Variants in SPAG16 observed in about 807,000 individuals in gnomAD.
The protein encoded by SPAG16 is sperm-associated antigen 16 protein.
In SPAG16, 86 loss-of-function variants were observed where a neutral mutation model predicts 80.4. The observed-to-expected ratio is 1.07, with a 90% CI of 0.90 to 1.28. The LOEUF is 1.28. Among genes scored for constraint, SPAG16 ranks in the 50% most tolerant of loss-of-function variants. SPAG16 has a pLI of 0.00. For missense variants in SPAG16, 870 were observed against 765.3 expected, an observed-to-expected ratio of 1.14 and a Z score of -1.61; for synonymous variants, 294 against 265.9, an observed-to-expected ratio of 1.11 and a Z score of -1.03.
intron 15 of SPAG16, among the ~76,000 whole-genome samples, chr2:214,375,015 A>G (rs1052537966): frequency 6.6e-6 from 1 of 152,194 alleles, no homozygotes; most frequent in African/African-American, 2.4e-5. Context: ...TAAGATAAGC[A>G]TGGTATTTGT....
chr2:213,718,167 AAAG>A (rs1488820547), intron 10 of SPAG16, among the ~76,000 whole-genome samples: 2 of 151,194 alleles, frequency 1.3e-5, no homozygotes, highest in African/African-American at 4.8e-5. Flanking sequence ...AAAAAAAAAA[AAAG>A]AAAACCACCA....
intron 15 of SPAG16, among the ~76,000 whole-genome samples, chr2:214,351,620 G>A (rs1309863878): frequency 1.3e-5 from 2 of 151,946 alleles, no homozygotes; most frequent in African/African-American, 2.4e-5. Flanking sequence ...GGAGAATGGC[G>A]TGAACCCAGG....
intron 13 of SPAG16, among the ~76,000 whole-genome samples, chr2:214,055,388 T>C (rs35310085): frequency 0.12 from 17,621 of 152,196 alleles, 1,213 homozygotes; most frequent in East Asian, 0.26. Context: ...CTTGGCACTT[T>C]TAAGTATATA....
chr2:214,060,602 G>T (rs2050211512), intron 13 of SPAG16, among the ~76,000 whole-genome samples: 2 of 152,176 alleles, frequency 1.3e-5, no homozygotes, highest in African/African-American at 4.8e-5. Flanking sequence ...CACTCTCTTA[G>T]AAAACAAAAT....
intron 7 of SPAG16, among the ~76,000 whole-genome samples, chr2:213,361,770 G>T (rs972359163): frequency 6.8e-6 from 1 of 146,038 alleles, no homozygotes; most frequent in African/African-American, 2.5e-5. Context: ...ATTTGATTTG[G>T]ATATTCAGAC....
At chr2:213,749,668 A>C (rs750454280) in intron 10 of SPAG16, among the ~76,000 whole-genome samples, 2 of 152,234 alleles carry the variant, frequency 1.3e-5, no homozygotes, top group Non-Finnish European at 2.9e-5. Context: ...GATCTTGGCT[A>C]TTTAGCTATA....
intron 10 of SPAG16, among the ~76,000 whole-genome samples, chr2:213,548,928 C>T (rs181029424): frequency 6.6e-6 from 1 of 151,916 alleles, no homozygotes; most frequent in Non-Finnish European, 1.5e-5. Flanking sequence ...AATATAAATG[C>T]ATTTGTCCTG....
At chr2:214,209,722 G>T (rs1488171374) in intron 15 of SPAG16, among the ~76,000 whole-genome samples, 14 of 152,240 alleles carry the variant, frequency 9.2e-5, no homozygotes, top group Middle Eastern at 3.4e-3. Flanking sequence ...TAGCAATGAT[G>T]TCTTGGCTTT....
chr2:213,962,952 G>A (rs2044527433), intron 12 of SPAG16, among the ~76,000 whole-genome samples: 1 of 151,896 alleles, frequency 6.6e-6, no homozygotes, highest in Non-Finnish European at 1.5e-5. Flanking sequence ...TGTTACTAAA[G>A]ATTTGTCAAT....
chr2:213,891,719 G>T (rs1027265174), intron 11 of SPAG16, among the ~76,000 whole-genome samples: 1 of 152,098 alleles, frequency 6.6e-6, no homozygotes, highest in Non-Finnish European at 1.5e-5. Flanking sequence ...AAGGAAATGA[G>T]AATTCCTGGG....
intron 12 of SPAG16, among the ~76,000 whole-genome samples, chr2:213,992,731 A>G (rs1251652159): frequency 6.6e-6 from 1 of 152,176 alleles, no homozygotes; most frequent in East Asian, 1.9e-4. Flanking sequence ...AAGCCTGATG[A>G]TTGGTTTGTA....
intron 15 of SPAG16, among the ~76,000 whole-genome samples, chr2:214,316,658 A>G (rs1036269436): frequency 1.3e-5 from 2 of 152,020 alleles, no homozygotes; most frequent in African/African-American, 4.8e-5. Flanking sequence ...AAATTCTATA[A>G]CTCTAATCCA....
chr2:214,345,949 C>T (rs1451517688), intron 15 of SPAG16, among the ~76,000 whole-genome samples: 1 of 152,130 alleles, frequency 6.6e-6, no homozygotes, highest in East Asian at 1.9e-4. Context: ...ACTAATTATT[C>T]ATTGTATTAT....
In SPAG16 at chr2:214,359,276, A is replaced by G. The variant is rs140659866; in HGVS notation, c.1721-50864A>G. Among the ~76,000 whole-genome samples, 9 of 151,986 alleles carry G rather than the reference A, an allele frequency of 5.9e-5. No individual in the cohort carries two copies. In the East Asian group the frequency reaches 1.7e-3, roughly 29 times the overall value. On this transcript the variant is annotated intron_variant, in intron 15 of 15. Transcript: ENST00000331683. ...AGAGAAGTTAATTTTTCAAGTTTGTATAGGTAATGATGATAAATTGGGGGG... is the reference window on the plus strand; with the variant it reads ...AGAGAAGTTAATTTTTCAAGTTTGTGTAGGTAATGATGATAAATTGGGGGG...
chr2:214,373,071 A>G (rs1256133108), intron 15 of SPAG16, among the ~76,000 whole-genome samples: 3 of 152,134 alleles, frequency 2.0e-5, no homozygotes, highest in Non-Finnish European at 4.4e-5. Flanking sequence ...ATGTAGTAAA[A>G]TTGTATGTTT....
chr2:214,253,204 C>A (rs1213191563), intron 15 of SPAG16, among the ~76,000 whole-genome samples: 1 of 150,832 alleles, frequency 6.6e-6, no homozygotes, highest in Non-Finnish European at 1.5e-5. Flanking sequence ...TGGATATTAG[C>A]CCTTTGTCCA....
At chr2:214,258,894 A>G (rs1690916237) in intron 15 of SPAG16, among the ~76,000 whole-genome samples, 1 of 151,958 alleles carries the variant, frequency 6.6e-6, no homozygotes, top group African/African-American at 2.4e-5. Context: ...GGTATTTTAT[A>G]TAGTTTCCAT....
chr2:213,861,606 G>T (rs2075466777), intron 10 of SPAG16, among the ~76,000 whole-genome samples: 1 of 152,118 alleles, frequency 6.6e-6, no homozygotes, highest in Non-Finnish European at 1.5e-5. Context: ...ATTTTAATAG[G>T]TGCTTAACAT....
intron 11 of SPAG16, among the ~76,000 whole-genome samples, chr2:213,902,514 T>C (rs2077260387): frequency 6.6e-6 from 1 of 152,144 alleles, no homozygotes; most frequent in African/African-American, 2.4e-5. Flanking sequence ...ACTTATTCAC[T>C]ACCATTAGAA....
Sources: allele counts gnomAD v4.1 joint callset (sites outside exome capture counted in the v4.1 genomes callset), GRCh38; gene constraint gnomAD v4.1.1; transcripts MANE v1.5; gene names NCBI Gene and HGNC (gene_info 2026-07-23, HGNC 2026-07-21).